Variants in ERN2 observed in about 807,000 individuals in gnomAD.
ERN2 encodes the protein serine/threonine-protein kinase/endoribonuclease IRE2.
ERN2 carries 111 observed loss-of-function variants against 107.9 expected under a neutral mutation model. The observed-to-expected ratio is 1.03, with a 90% CI of 0.88 to 1.20. The LOEUF (loss-of-function observed/expected upper bound fraction) is 1.20. Ranked by LOEUF, ERN2 falls within the 50% of genes most tolerant of loss-of-function variation. The pLI, the probability that ERN2 is intolerant of heterozygous loss-of-function variation, is 0.00. For missense variants in ERN2, 1,225 were observed against 1,197.9 expected, an observed-to-expected ratio of 1.02 and a Z score of -0.33; for synonymous variants, 524 against 501.7, an observed-to-expected ratio of 1.04 and a Z score of -0.59.
chr16:23,701,780 C>T lies in ERN2; in HGVS notation c.1203+372G>A, dbSNP rs114994347. ...GAGTAGCTGGGACTACAGATGCACA[C>T]AACCATTCCCCACTAATTTTTTATT... On this transcript the variant is annotated intron_variant, in intron 11 of 21. Coordinates refer to ENST00000256797, the MANE Select transcript of ERN2 (RefSeq NM_033266.4). Among the ~76,000 whole-genome samples, 298 of 152,112 alleles carry T rather than the reference C, an allele frequency of 2.0e-3. 1 individual carries two copies. Among genetic ancestry groups the T allele is most frequent in the African/African-American group, 6.9e-3 (288 of 41,484 alleles).
Position 23,695,230 on chromosome 16 carries a change from G to C in ERN2, c.1770C>G (p.Ala590=). Reference sequence around the variant, plus strand: ...GCAAGGAGGCCCGGCAGAGCTCCAGGGCAATGTAGTGGAACTGGGGTCCCC... The same window carrying C: ...GCAAGGAGGCCCGGCAGAGCTCCAGCGCAATGTAGTGGAACTGGGGTCCCC... ...TERGPQFHYI[A]LELCRASLQE... Residue 590 remains alanine (A), a synonymous_variant, in exon 15 of 22, where the codon GCC becomes GCG. Transcript: ENST00000256797. 6.2e-7 allele frequency: 1 copy of C among 1,614,136 alleles called. No homozygotes were observed. Among genetic ancestry groups the C allele is most frequent in the Admixed American group, 1.7e-5 (1 of 60,026 alleles).
At chr16:23,708,267 T>C (rs565931691) in intron 4 of ERN2, among the ~76,000 whole-genome samples, 3 of 151,996 alleles carry the variant, frequency 2.0e-5, no homozygotes, top group South Asian at 2.1e-4. Flanking sequence ...ACTTGTTGAA[T>C]TGCAATCCCC....
In ERN2 at chr16:23,690,843, G is replaced by C. The variant is rs1353737116; in HGVS notation, c.2769C>G (p.Ala923=). ...DSEARRPCPG[A]TGR is the part of the protein sequence containing the mutation. ...CATCCAGCCCACCTCACCTCCCTGT[G>C]GCCCCAGGGCATGGCCTCCTGGCCT... The change falls in exon 22 of 22, where the codon GCC becomes GCG. Residue 923 remains alanine, a synonymous_variant. Coordinates refer to ENST00000256797, the MANE Select transcript of ERN2 (RefSeq NM_033266.4). 6.2e-7 allele frequency: 1 copy of C among 1,611,408 alleles called. No individual in the cohort carries two copies. The highest frequency in any genetic ancestry group is 8.5e-7 in the Non-Finnish European group (1 of 1,179,940).
chr16:23,692,347 T>TG lies in ERN2; in HGVS notation c.2101-17dup, dbSNP rs752226396. 2 of 1,609,960 alleles carry TG rather than the reference T, an allele frequency of 1.2e-6. No homozygotes were observed. The highest frequency in any genetic ancestry group is 1.7e-6 in the Non-Finnish European group (2 of 1,179,922). ...CAGCGCTGGTCTGGAGCCAGAGAGA[T>TG]GGGCATGAGAAGGAAATCTCTGCTT... On this transcript the variant is annotated splice_polypyrimidine_tract_variant and intron_variant, in intron 17 of 21. Coordinates refer to ENST00000256797, the MANE Select transcript of ERN2 (RefSeq NM_033266.4).
chr16:23,696,839 A>G (rs1959847843), intron 13 of ERN2: 1 of 152,118 alleles, frequency 6.6e-6, no homozygotes, highest in African/African-American at 2.4e-5. Context: ...ACTCTACTTT[A>G]TAAGAGTTTT....
chr16:23,703,984 GGCAGGAACAATGGCTGGGTTATTT>G (rs1323075508), intron 8 of ERN2, among the ~76,000 whole-genome samples: 1 of 152,086 alleles, frequency 6.6e-6, no homozygotes, highest in African/African-American at 2.4e-5. Context: ...GGGTTCCTGA[GGCAGGAACAATGGCTGGGTTATTT>G]GCTATTGTAC....
intron 19 of ERN2, 127 bp downstream of exon 19, chr16:23,691,836 A>G: frequency 2.3e-6 from 3 of 1,324,954 alleles, no homozygotes; most frequent in Non-Finnish European, 3.1e-6. Context: ...AGTTTAGGGA[A>G]AGAGCCAGGC....
chr16:23,706,509 G>C, intron 6 of ERN2, 78 bp from the exon 7 acceptor site: 3 of 1,135,926 alleles, frequency 2.6e-6, no homozygotes, highest in Non-Finnish European at 3.9e-6. Context: ...TTATCTTGCA[G>C]GAGTGGGGGT....
chr16:23,699,646 A>T (rs1414713164), intron 13 of ERN2, among the ~76,000 whole-genome samples: 2 of 152,128 alleles, frequency 1.3e-5, no homozygotes, highest in Admixed American at 1.3e-4. Context: ...GCTGGTCTCG[A>T]ACTCCTGGCC....
chr16:23,704,807 T>A, intron 8 of ERN2, 76 bp downstream of exon 8: 1 of 1,494,904 alleles, frequency 6.7e-7, no homozygotes, highest in Non-Finnish European at 9.1e-7. Context: ...CAGCTGAACA[T>A]CTCGCCTGGC....
Position 23,705,094 on chromosome 16 carries a change from C to G in ERN2, c.643G>C (p.Gly215Arg). ...GMGLLLTVDP[G>R]SGTVLWTQDL... ...TGTGTCCACAGCACCGTCCCGCTTC[C>G]TGGGTCCACAGTGAGCAGCAGGCCC... Residue 215 changes from glycine (G) to arginine (R), a missense_variant, in exon 8 of 22, where the codon GGA (glycine) becomes CGA (arginine). Physicochemically the swap from Gly to Arg is moderately radical, Grantham distance 125 (BLOSUM62 -2). Transcript: ENST00000256797. 1 of 1,613,980 alleles carries G rather than the reference C, an allele frequency of 6.2e-7. No homozygotes were observed. The highest frequency in any genetic ancestry group is 8.5e-7 in the Non-Finnish European group (1 of 1,179,912).
chr16:23,706,369 G>A lies in ERN2; in HGVS notation c.550C>T (p.Arg184Cys), dbSNP rs34683474. The change falls in exon 7 of 22, where the codon CGC becomes TGC. Residue 184 changes from arginine to cysteine, a missense_variant. Coordinates refer to ENST00000256797, the MANE Select transcript of ERN2 (RefSeq NM_033266.4). ...PALRWNTTYR[R>C]YSAPPMDGSP... is the part of the protein sequence containing the mutation. ...CCATCCATGGGGGGCGCTGAGTAGCGGCGGTAGGTGGTGTTCCAGCGCAGG... is the reference window on the plus strand; with the variant it reads ...CCATCCATGGGGGGCGCTGAGTAGCAGCGGTAGGTGGTGTTCCAGCGCAGG... The A allele has an allele frequency of 3.0e-4, 463 of 1,564,320 alleles. 1 individual carries two copies. Among genetic ancestry groups the A allele is most frequent in the Non-Finnish European group, 3.6e-4 (419 of 1,156,054 alleles).
At chr16:23,707,728 G>GAAAC (rs928820060) in intron 4 of ERN2, among the ~76,000 whole-genome samples, 3 of 151,874 alleles carry the variant, frequency 2.0e-5, no homozygotes, top group Non-Finnish European at 4.4e-5. Context: ...AAAATAAAAT[G>GAAAC]AAACAAACAA....
At chr16:23,705,496 T>TAGGTGACCTCACCTCTGCTG (rs1960268899) in intron 7 of ERN2, among the ~76,000 whole-genome samples, 3 of 151,034 alleles carry the variant, frequency 2.0e-5, no homozygotes, top group East Asian at 2.0e-4. Context: ...TTGGGGCGAG[T>TAGGTGACCTCACCTCTGCTG]AGGTGACCTC....
Position 23,706,420 on chromosome 16 carries a change from T to C in ERN2, c.499A>G (p.Thr167Ala), listed in dbSNP as rs1422064283. 1.3e-6 allele frequency: 2 copies of C among 1,569,604 alleles called. No individual in the cohort carries two copies. Among genetic ancestry groups the C allele is most frequent in the South Asian group, 2.3e-5 (2 of 85,492 alleles). Reference sequence around the variant, plus strand: ...GCTGGGGCTCTTGGGTCATGCATGGTGACCGTATACTCTGGGGATCCCAGA... The same window carrying C: ...GCTGGGGCTCTTGGGTCATGCATGGCGACCGTATACTCTGGGGATCCCAGA... ...LYIGRTQYTV[T>A]MHDPRAPALR... Residue 167 changes from threonine to alanine, a missense_variant, in exon 7 of 22, where the codon ACC becomes GCC. Transcript: ENST00000256797.
chr16:23,698,736 C>G (rs763733207), intron 13 of ERN2, among the ~76,000 whole-genome samples: 8 of 152,040 alleles, frequency 5.3e-5, no homozygotes, highest in Non-Finnish European at 8.8e-5. Context: ...TACAGGCACC[C>G]ACCACCACAC....
intron 8 of ERN2, among the ~76,000 whole-genome samples, chr16:23,702,941 C>T (rs1960149156): frequency 6.6e-6 from 1 of 151,954 alleles, no homozygotes; most frequent in Non-Finnish European, 1.5e-5. Context: ...TGGGAGAAAA[C>T]CCAGGCTAGC....
Position 23,702,632 on chromosome 16 carries a change from C to T in ERN2, c.925G>A (p.Ala309Thr), listed in dbSNP as rs1209193506. The T allele has an allele frequency of 3.1e-6, 5 of 1,613,994 alleles. No homozygotes were observed. The highest frequency in any genetic ancestry group is 1.1e-5 in the South Asian group (1 of 91,084). The change falls in exon 9 of 22, where the codon GCC becomes ACC. Residue 309 changes from alanine to threonine, a missense_variant. Coordinates refer to ENST00000256797, the MANE Select transcript of ERN2 (RefSeq NM_033266.4). The part of the protein sequence containing the change: ...VSKALVHTGV[A>T]LVPRGLTLAP... ...CAGAGACCACTTCTTACCACCAGGG[C>T]CACTCCTGTGTGGACCAGTGCTTTA...
chr16:23,707,702 G>A (rs976118998), intron 4 of ERN2, among the ~76,000 whole-genome samples: 2 of 152,136 alleles, frequency 1.3e-5, no homozygotes, highest in Non-Finnish European at 2.9e-5. Context: ...AATAGAGTGA[G>A]ACTCTGTCTC....
Sources: gnomAD v4.1 joint callset for allele counts (sites outside exome capture counted in the v4.1 genomes callset) on GRCh38, gnomAD v4.1.1 for gene constraint, MANE v1.5 for transcripts, NCBI Gene and HGNC (gene_info 2026-07-23, HGNC 2026-07-21) for gene names.